Variants in SLCO5A1 observed in about 807,000 individuals in gnomAD.
The protein encoded by SLCO5A1 is organic anion transporter polypeptide-related protein 4.
A neutral mutation model predicts 65.1 loss-of-function variants in SLCO5A1; 39 were observed. The observed-to-expected ratio is 0.60, with a 90% confidence interval of 0.46 to 0.78. The LOEUF (loss-of-function observed/expected upper bound fraction) is 0.78. SLCO5A1 is among the 30% of genes least tolerant of loss of function. The probability of loss-of-function intolerance (pLI) is 0.00; values close to 1 mark genes in which losing one functional copy is unlikely to be tolerated. For missense variants in SLCO5A1, 1,029 were observed against 1,069.4 expected, an observed-to-expected ratio of 0.96 and a Z score of 0.53; for synonymous variants, 438 against 415.7, an observed-to-expected ratio of 1.05 and a Z score of -0.65.
chr8:69,714,127 T>C (rs1247693821), intron 5 of SLCO5A1, among the ~76,000 whole-genome samples: 2 of 152,258 alleles, frequency 1.3e-5, no homozygotes, highest in African/African-American at 2.4e-5. Context: ...CTCTTTCATA[T>C]ATCTCAATCT....
chr8:69,803,241 C>T (rs1319487806), intron 2 of SLCO5A1, among the ~76,000 whole-genome samples: 2 of 152,074 alleles, frequency 1.3e-5, no homozygotes, highest in African/African-American at 4.8e-5. Flanking sequence ...CATGGTGAAA[C>T]CCCATCTCTA....
intron 5 of SLCO5A1, among the ~76,000 whole-genome samples, chr8:69,716,047 TGTTTG>T (rs1205709241): frequency 1.4e-5 from 2 of 143,744 alleles, no homozygotes; most frequent in African/African-American, 6.0e-5. Context: ...TAAGTGTGCC[TGTTTG>T]AGACCTTTCA....
At chr8:69,765,033 A>C (rs1244661434) in intron 2 of SLCO5A1, among the ~76,000 whole-genome samples, 1 of 152,204 alleles carries the variant, frequency 6.6e-6, no homozygotes, top group African/African-American at 2.4e-5. Context: ...AATATAGATA[A>C]AGCTTTTTAA....
At chr8:69,750,131 T>C (rs1454312199) in intron 4 of SLCO5A1, among the ~76,000 whole-genome samples, 12 of 152,146 alleles carry the variant, frequency 7.9e-5, no homozygotes, top group Admixed American at 7.9e-4. Flanking sequence ...AGGGGTTAAA[T>C]CATAGGTCAT....
rs1350282991 is a variant in SLCO5A1 at position 69,672,899 on chromosome 8, C to G, written c.2517G>C (p.Glu839Asp). ...AGGGCGGCTCCAAGGCAGCGGGGCT[C>G]TCTTCCAGCCCCGGGTCCGCAGAGG... is the stretch of plus-strand genomic sequence containing the variant. ...ISSSADPGLE[E>D]SPAALEPPS Residue 839 changes from glutamate (E) to aspartate (D), a missense_variant, in exon 10 of 10, where the codon GAG (glutamate) becomes GAC (aspartate). By Grantham distance (45) the Glu-to-Asp change is conservative (BLOSUM62 2). This residue lies in a region of SLCO5A1 where 258 missense variants were observed against 237.4 expected (regional missense o/e 1.09). Coordinates refer to ENST00000260126, the MANE Select transcript of SLCO5A1 (RefSeq NM_030958.3). 1.9e-6 allele frequency: 3 copies of G among 1,613,038 alleles called. No homozygotes were observed. Among genetic ancestry groups the G allele is most frequent in the Non-Finnish European group, 2.5e-6 (3 of 1,179,148 alleles).
Position 69,832,461 on chromosome 8 carries a change from C to T in SLCO5A1, c.213G>A (p.Glu71=), listed in dbSNP as rs557201597. 2.5e-6 allele frequency: 4 copies of T among 1,612,942 alleles called. No individual in the cohort carries two copies. The highest frequency in any genetic ancestry group is 3.4e-6 in the Non-Finnish European group (4 of 1,179,612). Residue 71 remains glutamate (E), a synonymous_variant, in exon 2 of 10, where the codon GAG becomes GAA. Coordinates refer to ENST00000260126, the MANE Select transcript of SLCO5A1 (RefSeq NM_030958.3). The surrounding 1 kb of genome is among the most constrained non-coding windows in gnomAD (Gnocchi z 4.5). ...FGCVDSSGHQ[E]LKQGPNPLAP... is the part of the protein sequence containing the mutation. ...CCAACGGGTTCGGGCCTTGCTTCAA[C>T]TCCTGGTGGCCCGAAGAATCCACAC...
chr8:69,823,717 C>T lies in SLCO5A1; in HGVS notation c.907+8050G>A, dbSNP rs374411101. Among the ~76,000 whole-genome samples, 77 of 152,206 alleles carry T rather than the reference C, an allele frequency of 5.1e-4. No individual in the cohort carries two copies. The East Asian group carries it at 7.1e-3, about 14-fold the overall frequency. ...CCACTGTCAACATTAGACAGATCAA[C>T]GAGACAGAAAGTTAATAAGGATACC... On this transcript the variant is annotated intron_variant, in intron 2 of 9. Coordinates refer to ENST00000260126, the MANE Select transcript of SLCO5A1 (RefSeq NM_030958.3).
At chr8:69,704,057 G>A (rs13278758) in intron 6 of SLCO5A1, among the ~76,000 whole-genome samples, 16,968 of 152,060 alleles carry the variant, frequency 0.11, 1,184 homozygotes, top group Non-Finnish European at 0.16. Context: ...CACAAATCAG[G>A]GCTTTTTTTT....
At chr8:69,783,172 G>C (rs566745342) in intron 2 of SLCO5A1, among the ~76,000 whole-genome samples, 155 of 152,052 alleles carry the variant, frequency 1.0e-3, no homozygotes, top group Non-Finnish European at 1.7e-3. Flanking sequence ...TTATTATTCT[G>C]AGACCTTGCC....
intron 5 of SLCO5A1, among the ~76,000 whole-genome samples, chr8:69,727,104 AGACTGTGAG>A (rs1366853197): frequency 2.0e-5 from 3 of 152,186 alleles, no homozygotes; most frequent in African/African-American, 7.2e-5. Flanking sequence ...AAGGTTCACT[AGACTGTGAG>A]GCCTTGAAGG....
At chr8:69,822,823 G>A (rs1820704579) in intron 2 of SLCO5A1, among the ~76,000 whole-genome samples, 1 of 152,226 alleles carries the variant, frequency 6.6e-6, no homozygotes, top group South Asian at 2.1e-4. Flanking sequence ...TTGGTAGAGT[G>A]AAACTAAAAT....
chr8:69,776,756 A>G lies in SLCO5A1; in HGVS notation c.908-14881T>C, dbSNP rs555801336. ...AAACAATTGTAGAAAATATTTCTGA[A>G]CAGGCACTTTACCAAAAAAGATACA... On this transcript the variant is annotated intron_variant, in intron 2 of 9. Transcript: ENST00000260126. 9.8e-5 allele frequency among the ~76,000 whole-genome samples: 15 copies of G among 152,348 alleles called. No individual in the cohort carries two copies. In the South Asian group the frequency reaches 3.1e-3, roughly 32 times the overall value.
Position 69,750,704 on chromosome 8 carries a change from A to G in SLCO5A1, c.1258+4720T>C, listed in dbSNP as rs144939556. Among the ~76,000 whole-genome samples the G allele has an allele frequency of 1.5e-4, 23 of 152,228 alleles. No individual in the cohort carries two copies. In the East Asian group the frequency reaches 3.9e-3, roughly 26 times the overall value. ...TCATCTCAAATGCCACCTCCTCCAT[A>G]TAACTTTTCCTGATCCCTCAACTGG... On this transcript the variant is annotated intron_variant, in intron 4 of 9. Transcript: ENST00000260126.
chr8:69,807,867 G>A (rs1462167676), intron 2 of SLCO5A1, among the ~76,000 whole-genome samples: 1 of 151,708 alleles, frequency 6.6e-6, no homozygotes, highest in Admixed American at 6.6e-5. Context: ...CCACGCCCAG[G>A]TAATTTTTTG....
intron 2 of SLCO5A1, among the ~76,000 whole-genome samples, chr8:69,809,732 T>A (rs910631873): frequency 6.8e-6 from 1 of 147,028 alleles, no homozygotes. Flanking sequence ...CTAAGGAGTG[T>A]GGTGTGTGTG....
rs1813328402 is a variant in SLCO5A1 at position 69,671,543 on chromosome 8, G to A, written c.*1326C>T. On this transcript the variant is annotated 3_prime_UTR_variant, in exon 10 of 10. Coordinates refer to ENST00000260126, the MANE Select transcript of SLCO5A1 (RefSeq NM_030958.3). The stretch of plus-strand genomic sequence containing the variant: ...CCATGTAGAAAGCATTCTCTATGAT[G>A]CTTACTTCAAAGTGATGTGCTGGGA... 1 of 152,152 alleles carries A rather than the reference G, an allele frequency of 6.6e-6. No individual in the cohort carries two copies. Among genetic ancestry groups the A allele is most frequent in the East Asian group, 1.9e-4 (1 of 5,186 alleles). 9.4% of individuals were successfully genotyped at this position (152,152 alleles called of 1,614,324 possible). A position where few individuals can be genotyped will look rare whatever the true frequency, so the allele number is the denominator to read the frequency against.
At chr8:69,681,715 T>A (rs1813781059) in intron 7 of SLCO5A1, among the ~76,000 whole-genome samples, 1 of 151,912 alleles carries the variant, frequency 6.6e-6, no homozygotes, top group Non-Finnish European at 1.5e-5. Flanking sequence ...ATCTTTACTT[T>A]GAAAGTTTTT....
intron 6 of SLCO5A1, chr8:69,704,804 T>C: frequency 1.9e-6 from 1 of 530,702 alleles, no homozygotes; most frequent in Non-Finnish European, 3.4e-6. Context: ...GTAATTAAAA[T>C]GCTATGAAAG....
intron 6 of SLCO5A1, among the ~76,000 whole-genome samples, chr8:69,685,093 A>T (rs1813947906): frequency 6.6e-6 from 1 of 152,246 alleles, no homozygotes; most frequent in Admixed American, 6.5e-5. Flanking sequence ...TAAGAAAATC[A>T]ATACATGCAA....
Sources: allele counts gnomAD v4.1 joint callset (sites outside exome capture counted in the v4.1 genomes callset), GRCh38; gene constraint gnomAD v4.1.1; regional missense constraint gnomAD v4.1.1; non-coding constraint Gnocchi (gnomAD v3.1); transcripts MANE v1.5; gene names NCBI Gene and HGNC (gene_info 2026-07-23, HGNC 2026-07-21).